The following CDH13 variants were observed in gnomAD, a reference collection of about 807,000 sequenced individuals.
CDH13 encodes the protein cadherin 13, also known as cadherin-13.
Under a neutral mutation model 63.8 loss-of-function variants are expected in CDH13, and 24 were observed. The ratio of observed to expected loss-of-function variants is 0.38; its 90% confidence interval spans 0.27 to 0.53. CDH13 has a LOEUF of 0.53. CDH13 is among the 20% of genes least tolerant of loss of function. The probability of loss-of-function intolerance (pLI) is 0.85; values close to 1 mark genes in which losing one functional copy is unlikely to be tolerated. For missense variants in CDH13, 1,049 were observed against 903.1 expected (o/e 1.16, Z -2.07); for synonymous variants, 503 against 355.3 (o/e 1.42, Z -4.67).
chr16:83,349,129 A>T (rs964944244), intron 6 of CDH13, among the ~76,000 whole-genome samples: 1 of 152,212 alleles, frequency 6.6e-6, no homozygotes, highest in African/African-American at 2.4e-5. Context: ...TCCTGGATGA[A>T]GGAAGATCAG....
chr16:83,418,030 T>C (rs1352232353), intron 6 of CDH13, among the ~76,000 whole-genome samples: 2 of 152,160 alleles, frequency 1.3e-5, no homozygotes, highest in Non-Finnish European at 2.9e-5. Flanking sequence ...TTGTCAACTC[T>C]TCCAGACACT....
chr16:83,093,101 C>T (rs1222509760), intron 3 of CDH13, among the ~76,000 whole-genome samples: 2 of 152,046 alleles, frequency 1.3e-5, no homozygotes, highest in Non-Finnish European at 2.9e-5. Context: ...CTCACTCAAC[C>T]TCCATCTATA....
At chr16:83,543,181 A>G (rs908029511) in intron 7 of CDH13, among the ~76,000 whole-genome samples, 3 of 152,262 alleles carry the variant, frequency 2.0e-5, no homozygotes, top group Non-Finnish European at 2.9e-5. Context: ...TTTGGCCTGC[A>G]TAAAAGACTT....
intron 3 of CDH13, among the ~76,000 whole-genome samples, chr16:83,117,139 G>A (rs113814385): frequency 1.1e-4 from 17 of 152,260 alleles, no homozygotes; most frequent in African/African-American, 4.1e-4. Flanking sequence ...CTGTTTTATT[G>A]CAACTGGACT....
rs567697166 is a variant in CDH13, at chr16:82,760,467, T to C, written c.46-97895T>C. Among the ~76,000 whole-genome samples, 12 of 152,178 alleles carry C rather than the reference T, an allele frequency of 7.9e-5. No homozygotes were observed. The South Asian group carries it at 2.1e-3, about 26-fold the overall frequency. On this transcript the variant is annotated intron_variant, in intron 1 of 13. Transcript: ENST00000567109. ...GACCAACTGAAAAATTTTGTACTTT[T>C]ATTAATATTATGGCATTACAACACC...
At position 83,426,269 on chromosome 16, in the gene CDH13, C is replaced by G. The variant is rs2071892627; in HGVS notation, c.782-60208C>G. 2.0e-5 allele frequency among the ~76,000 whole-genome samples: 3 copies of G among 152,148 alleles called. No homozygotes were observed. The South Asian group carries it at 6.2e-4, about 32-fold the overall frequency. ...GATTCTGGTTCAGTTTTCCTGTCTC[C>G]TTTCAGCATTTGAGTGATTTCTGCA... On this transcript the variant is annotated intron_variant, in intron 6 of 13. Coordinates refer to ENST00000567109, the MANE Select transcript of CDH13 (RefSeq NM_001257.5).
intron 3 of CDH13, among the ~76,000 whole-genome samples, chr16:83,111,035 G>A (rs888040182): frequency 2.2e-5 from 3 of 138,990 alleles, no homozygotes; most frequent in African/African-American, 2.7e-5. Flanking sequence ...AGCCGGGCGT[G>A]GTGTCGGGTG....
intron 10 of CDH13, among the ~76,000 whole-genome samples, chr16:83,699,070 C>A (rs1042299930): frequency 2.6e-5 from 4 of 152,258 alleles, no homozygotes; most frequent in African/African-American, 7.2e-5. Flanking sequence ...CCAGTGGTTT[C>A]CTCTCAACAT....
At chr16:83,506,867 G>C (rs762808457) in intron 7 of CDH13, among the ~76,000 whole-genome samples, 2 of 152,152 alleles carry the variant, frequency 1.3e-5, no homozygotes, top group Non-Finnish European at 2.9e-5. Context: ...AGCCACCTTG[G>C]AAGTAGACCT....
At chr16:82,711,310 C>T (rs558004568) in intron 1 of CDH13, among the ~76,000 whole-genome samples, 19 of 152,266 alleles carry the variant, frequency 1.2e-4, no homozygotes, top group African/African-American at 4.3e-4. Flanking sequence ...GTCTTAGAAT[C>T]TCCAGTGATC....
intron 11 of CDH13, among the ~76,000 whole-genome samples, chr16:83,777,179 C>T (rs540322152): frequency 2.0e-5 from 3 of 152,326 alleles, no homozygotes; most frequent in Admixed American, 6.5e-5. Context: ...TCAATCCAAT[C>T]GTGTGCTTTC....
chr16:83,488,222 C>T (rs904030264), intron 7 of CDH13, among the ~76,000 whole-genome samples: 9 of 152,240 alleles, frequency 5.9e-5, no homozygotes, highest in African/African-American at 2.2e-4. Context: ...ACCTAGAACA[C>T]TTCCATCACC....
intron 2 of CDH13, among the ~76,000 whole-genome samples, chr16:82,973,667 C>G (rs1597334230): frequency 6.6e-6 from 1 of 152,282 alleles, no homozygotes. Context: ...TGCAGCGGGT[C>G]AAGGATGGCT....
Position 82,629,993 on chromosome 16 carries a change from G to T in CDH13, c.45+2856G>T, listed in dbSNP as rs148647054. On this transcript the variant is annotated intron_variant, in intron 1 of 13. Transcript: ENST00000567109. ...ATTAGGAATTTAGGGAGGGGTTCAG[G>T]CTTGGAGGACAGTCGCTTGGGAGTG... 3.7e-3 allele frequency among the ~76,000 whole-genome samples: 563 copies of T among 152,312 alleles called. 1 individual carries two copies. The highest frequency in any genetic ancestry group is 6.8e-3 in the Non-Finnish European group (465 of 68,032).
intron 7 of CDH13, among the ~76,000 whole-genome samples, chr16:83,525,011 G>A (rs961759104): frequency 6.6e-6 from 1 of 152,018 alleles, no homozygotes; most frequent in Non-Finnish European, 1.5e-5. Context: ...CTTAATTTTC[G>A]GGGACGCTGA....
chr16:82,809,170 T>C (rs759889904), intron 1 of CDH13, among the ~76,000 whole-genome samples: 1 of 152,186 alleles, frequency 6.6e-6, no homozygotes, highest in Non-Finnish European at 1.5e-5. Flanking sequence ...CAACATTGAA[T>C]GAAAATATCT....
chr16:83,686,616 T>C (rs1370840207), intron 10 of CDH13, among the ~76,000 whole-genome samples: 2 of 152,176 alleles, frequency 1.3e-5, no homozygotes, highest in African/African-American at 4.8e-5. Context: ...AAATTATAAG[T>C]GATTATTAGC....
intron 7 of CDH13, among the ~76,000 whole-genome samples, chr16:83,494,910 G>A (rs910505799): frequency 6.6e-6 from 1 of 152,152 alleles, no homozygotes; most frequent in African/African-American, 2.4e-5. Context: ...TTGGACATAT[G>A]GCACTATGAT....
intron 2 of CDH13, among the ~76,000 whole-genome samples, chr16:82,997,540 A>G (rs115465308): frequency 0.016 from 2,442 of 152,316 alleles, 60 homozygotes; most frequent in African/African-American, 0.057. Context: ...CATGCACAAT[A>G]TATTCTATTT....
Sources: allele counts gnomAD v4.1 joint callset (sites outside exome capture counted in the v4.1 genomes callset), GRCh38; gene constraint gnomAD v4.1.1; transcripts MANE v1.5; gene names NCBI Gene and HGNC (gene_info 2026-07-23, HGNC 2026-07-21).